Variants in FRMD5 observed in about 807,000 individuals in gnomAD.
FRMD5 encodes the protein FERM domain-containing protein 5.
In FRMD5, 20 loss-of-function variants were observed where a neutral mutation model predicts 69.0. The observed-to-expected ratio is 0.29, with a 90% CI of 0.20 to 0.42. The LOEUF (loss-of-function observed/expected upper bound fraction) is 0.42. Ranked by LOEUF, FRMD5 falls within the 10% of genes least tolerant of loss-of-function variation. The probability of loss-of-function intolerance (pLI) is 1.00; values close to 1 mark genes in which losing one functional copy is unlikely to be tolerated. For synonymous variants in FRMD5, 271 were observed against 260.1 expected (o/e 1.04, Z -0.40); for missense variants, 595 against 708.6 (o/e 0.84, Z 1.82).
chr15:44,179,621 AAAT>A (rs1266819242), intron 1 of FRMD5, among the ~76,000 whole-genome samples: 1 of 152,202 alleles, frequency 6.6e-6, no homozygotes, highest in Non-Finnish European at 1.5e-5. Context: ...CTGTATTTAT[AAAT>A]AATATCCTTC....
intron 1 of FRMD5, among the ~76,000 whole-genome samples, chr15:44,148,316 G>C (rs1394463983): frequency 1.3e-5 from 2 of 151,688 alleles, no homozygotes; most frequent in African/African-American, 2.4e-5. Context: ...CTGTCCCCCA[G>C]GTTGGAGTGC....
intron 1 of FRMD5, among the ~76,000 whole-genome samples, chr15:44,151,873 GT>G (rs2077452802): frequency 6.6e-6 from 1 of 152,136 alleles, no homozygotes; most frequent in Non-Finnish European, 1.5e-5. Context: ...GGAATATATA[GT>G]AAACTCCTAA....
Position 43,883,789 on chromosome 15 carries a change from C to T in FRMD5, c.1049G>A (p.Arg350Gln), listed in dbSNP as rs371056906. Residue 350 changes from arginine (R) to glutamine (Q), a missense_variant, in exon 13 of 14, where the codon CGG becomes CAG. By Grantham distance (43) the Arg-to-Gln change is conservative. Around this residue, in one of 5 missense-constraint regions of FRMD5, gnomAD observed 176 missense variants for 266.3 expected, o/e 0.66. Transcript: ENST00000417257. ...GCCATGGGTTATGGAGGGACAGCTC[C>T]GGCTGGGAACCATCCCTGCTCTGAG... ...EIHRAGMVPS[R>Q]SCPSITHGPR... 93 of 1,613,806 alleles carry T rather than the reference C, an allele frequency of 5.8e-5. No individual in the cohort carries two copies. The highest frequency in any genetic ancestry group is 8.0e-5 in the African/African-American group (6 of 74,918).
chr15:44,095,463 C>T (rs2076538492), intron 1 of FRMD5, among the ~76,000 whole-genome samples: 1 of 152,096 alleles, frequency 6.6e-6, no homozygotes, highest in African/African-American at 2.4e-5. Context: ...CCTTGGCCTC[C>T]CAAAGTAATG....
intron 13 of FRMD5, among the ~76,000 whole-genome samples, chr15:43,883,149 G>A (rs2088577150): frequency 6.6e-6 from 1 of 151,612 alleles, no homozygotes. Context: ...ACCCAGGCTG[G>A]AGAGCAGTGG....
At chr15:44,126,178 A>G (rs529227685) in intron 1 of FRMD5, among the ~76,000 whole-genome samples, 1 of 152,230 alleles carries the variant, frequency 6.6e-6, no homozygotes, top group Non-Finnish European at 1.5e-5. Context: ...TCTCTTATAT[A>G]TGTTACCACA....
chr15:44,176,708 A>T (rs1566986828), intron 1 of FRMD5, among the ~76,000 whole-genome samples: 1 of 152,168 alleles, frequency 6.6e-6, no homozygotes, highest in Non-Finnish European at 1.5e-5. Flanking sequence ...CCAATTTTTA[A>T]ATGGCCAAAG....
chr15:44,089,910 G>A (rs2076448067), intron 1 of FRMD5, among the ~76,000 whole-genome samples: 1 of 152,034 alleles, frequency 6.6e-6, no homozygotes. Context: ...AGGCCTAAGG[G>A]CCTAATGAAA....
At chr15:44,063,000 A>G (rs1893157340) in intron 1 of FRMD5, among the ~76,000 whole-genome samples, 1 of 152,188 alleles carries the variant, frequency 6.6e-6, no homozygotes, top group Non-Finnish European at 1.5e-5. Context: ...AAACCATACA[A>G]TTTTGATTAC....
intron 1 of FRMD5, among the ~76,000 whole-genome samples, chr15:44,167,536 C>G (rs2077730549): frequency 6.6e-6 from 1 of 152,152 alleles, no homozygotes; most frequent in South Asian, 2.1e-4. Flanking sequence ...GATGTCCAAT[C>G]CAAGGACCTC....
At chr15:43,947,221 C>T (rs559244826) in intron 1 of FRMD5, among the ~76,000 whole-genome samples, 19 of 152,256 alleles carry the variant, frequency 1.2e-4, no homozygotes, top group African/African-American at 1.9e-4. Context: ...CATTACACAG[C>T]GGTGGCTGCT....
In FRMD5 at chr15:43,873,339, CAA is replaced by C; in HGVS notation, c.*544_*545del. On this transcript the variant is annotated 3_prime_UTR_variant, in exon 14 of 14. Transcript: ENST00000417257. The stretch of plus-strand genomic sequence containing the variant: ...TTACTTTTTTAAAAGTTCTGGCTGG[CAA>C]AAAAAACAAACAAAAAACTAAACAG... The C allele has an allele frequency of 6.8e-7, 1 of 1,475,618 alleles. No homozygotes were observed. Among genetic ancestry groups the C allele is most frequent in the Non-Finnish European group, 8.9e-7 (1 of 1,120,322 alleles). The allele number at this position is 1,475,618 out of a possible 1,614,324, so 91.4% of individuals were successfully genotyped here. A position where few individuals can be genotyped will look rare whatever the true frequency, so the allele number is the denominator to read the frequency against.
chr15:43,978,002 T>G (rs974861761), intron 1 of FRMD5, among the ~76,000 whole-genome samples: 2 of 151,888 alleles, frequency 1.3e-5, no homozygotes, highest in African/African-American at 4.8e-5. Context: ...CCCCTCCCCA[T>G]AGAAACTTTA....
intron 1 of FRMD5, among the ~76,000 whole-genome samples, chr15:44,109,993 G>T (rs565434340): frequency 1.3e-5 from 2 of 152,128 alleles, no homozygotes; most frequent in Admixed American, 1.3e-4. Context: ...GTTCTTTTTA[G>T]TGCTAAGTGT....
At chr15:44,045,708 A>G (rs958034170) in intron 1 of FRMD5, among the ~76,000 whole-genome samples, 8 of 152,210 alleles carry the variant, frequency 5.3e-5, no homozygotes, top group African/African-American at 1.9e-4. Flanking sequence ...GGGCATTCAG[A>G]GTGTAAGGAA....
At chr15:43,906,624 C>T (rs780623991) in intron 5 of FRMD5, among the ~76,000 whole-genome samples, 2 of 151,862 alleles carry the variant, frequency 1.3e-5, no homozygotes, top group East Asian at 1.9e-4. Context: ...TGTTTTTAGA[C>T]GGAGTCTCAC....
intron 1 of FRMD5, among the ~76,000 whole-genome samples, chr15:44,045,499 A>T (rs966008140): frequency 4.3e-4 from 66 of 152,366 alleles, no homozygotes; most frequent in African/African-American, 1.5e-3. Flanking sequence ...AATTAAAAAA[A>T]GCAAAAACAG....
intron 11 of FRMD5, 48 bp downstream of exon 11, chr15:43,885,633 A>G: frequency 2.0e-6 from 3 of 1,488,232 alleles, no homozygotes; most frequent in Non-Finnish European, 2.8e-6. Context: ...TTCTCCAGAG[A>G]AGGGTCTGAA....
At chr15:43,879,533 G>A (rs889213840) in intron 13 of FRMD5, 4 of 398,930 alleles carry the variant, frequency 1.0e-5, no homozygotes, top group Non-Finnish European at 1.8e-5. Context: ...CTTGCCCGGG[G>A]GTCACAGCAG....
Sources: allele counts gnomAD v4.1 joint callset (sites outside exome capture counted in the v4.1 genomes callset), GRCh38; gene constraint gnomAD v4.1.1; regional missense constraint gnomAD v4.1.1; transcripts MANE v1.5; gene names NCBI Gene and HGNC (gene_info 2026-07-23, HGNC 2026-07-21).